Variants in UPF2 observed in about 807,000 individuals in gnomAD.
UPF2 encodes UPF2 regulator of nonsense mediated mRNA decay, also known as regulator of nonsense transcripts 2.
Under a neutral mutation model 141.4 loss-of-function variants are expected in UPF2, and 17 were observed. That is an observed-to-expected ratio of 0.12 (90% confidence interval 0.08 to 0.18). The LOEUF (loss-of-function observed/expected upper bound fraction) is 0.18. UPF2 is among the 10% of genes least tolerant of loss of function. The pLI, the probability that UPF2 is intolerant of heterozygous loss-of-function variation, is 1.00. For missense variants in UPF2, 1,152 were observed against 1,515.9 expected (o/e 0.76, Z 3.99); for synonymous variants, 540 against 498.0 (o/e 1.08, Z -1.12).
At chr10:11,938,845 T>C (rs1832888409) in intron 18 of UPF2, among the ~76,000 whole-genome samples, 1 of 117,568 alleles carries the variant, frequency 8.5e-6, no homozygotes, top group South Asian at 3.0e-4. Flanking sequence ...TAAGCAAGTT[T>C]TTTTTTTGTT....
At chr10:11,974,390 C>T (rs1404475447) in intron 9 of UPF2, among the ~76,000 whole-genome samples, 3 of 152,036 alleles carry the variant, frequency 2.0e-5, no homozygotes, top group South Asian at 2.1e-4. Context: ...GCCTGATTGC[C>T]GTGGCCAGAA....
At position 12,014,391 on chromosome 10, in the gene UPF2, C is replaced by T. The variant is rs1399624577; in HGVS notation, c.1146-207G>A. On this transcript the variant is annotated intron_variant, in intron 3 of 21. Coordinates refer to ENST00000357604, the MANE Select transcript of UPF2 (RefSeq NM_015542.4). The surrounding 1 kb of genome is among the most constrained non-coding windows in gnomAD (Gnocchi z 5.0). Reference sequence around the variant, plus strand: ...GAACATTTAAATTTTAACACTGGTTCCTCAAAGAATATGCAGCATGCTTGC... The same window carrying T: ...GAACATTTAAATTTTAACACTGGTTTCTCAAAGAATATGCAGCATGCTTGC... 6.6e-6 allele frequency among the ~76,000 whole-genome samples: 1 copy of T among 152,010 alleles called. No homozygotes were observed. Among genetic ancestry groups the T allele is most frequent in the Non-Finnish European group, 1.5e-5 (1 of 68,016 alleles).
At chr10:11,924,138 G>A (rs928667764) in intron 21 of UPF2, among the ~76,000 whole-genome samples, 1 of 152,194 alleles carries the variant, frequency 6.6e-6, no homozygotes, top group African/African-American at 2.4e-5. Flanking sequence ...TTACAGCACT[G>A]CTGCCGTTTC....
chr10:12,009,436 T>C (rs1052447507), intron 4 of UPF2, among the ~76,000 whole-genome samples: 2 of 152,226 alleles, frequency 1.3e-5, no homozygotes, highest in African/African-American at 2.4e-5. Flanking sequence ...AAAGTGGCTA[T>C]AGAATAAAGG....
At chr10:11,932,537 A>G (rs1193007242) in intron 19 of UPF2, among the ~76,000 whole-genome samples, 2 of 152,208 alleles carry the variant, frequency 1.3e-5, no homozygotes, top group Non-Finnish European at 2.9e-5. Context: ...TACAAAAGGC[A>G]AAGTTCTCAA....
rs771100563 is a variant in UPF2 at position 12,004,576 on chromosome 10, A to G, written c.1458T>C (p.Asn486=). The change falls in exon 5 of 22, where the codon AAT becomes AAC. Residue 486 remains asparagine (N), a synonymous_variant. Coordinates refer to ENST00000357604, the MANE Select transcript of UPF2 (RefSeq NM_015542.4). ...AFVPAILFKD[N]EKSCQNKESN... is the part of the protein sequence containing the mutation. Reference sequence around the variant, plus strand: ...ACTCTTTATTCTGACAACTTTTTTCATTGTCTTTAAACAAGATGGCTGGGA... The same window carrying G: ...ACTCTTTATTCTGACAACTTTTTTCGTTGTCTTTAAACAAGATGGCTGGGA... 4.3e-6 allele frequency: 7 copies of G among 1,613,262 alleles called. No individual in the cohort carries two copies. The highest frequency in any genetic ancestry group is 4.0e-5 in the African/African-American group (3 of 74,810).
intron 18 of UPF2, among the ~76,000 whole-genome samples, chr10:11,941,870 A>C (rs573840324): frequency 6.6e-6 from 1 of 152,266 alleles, no homozygotes; most frequent in Non-Finnish European, 1.5e-5. Context: ...AAAACTGCTA[A>C]GTAGTGTTTT....
chr10:12,005,099 C>G (rs1461941218), intron 4 of UPF2, among the ~76,000 whole-genome samples: 1 of 107,752 alleles, frequency 9.3e-6, no homozygotes, highest in Non-Finnish European at 1.9e-5. Flanking sequence ...TCCCACCTCC[C>G]CCATGAGTAT....
chr10:11,961,473 C>CCAGTGTGTTCCTAGTA (rs1397857408), intron 11 of UPF2, among the ~76,000 whole-genome samples: 8 of 151,710 alleles, frequency 5.3e-5, no homozygotes, highest in African/African-American at 1.9e-4. Flanking sequence ...GAACAGAAGG[C>CCAGTGTGTTCCTAGTA]CAGTGTGTTC....
At chr10:12,012,944 GC>G (rs1298567754) in intron 4 of UPF2, among the ~76,000 whole-genome samples, 2 of 151,930 alleles carry the variant, frequency 1.3e-5, no homozygotes, top group African/African-American at 4.8e-5. Context: ...TTTGAGACCA[GC>G]CTGAGAAACA....
intron 16 of UPF2, among the ~76,000 whole-genome samples, chr10:11,946,786 T>A (rs1238030812): frequency 1.3e-5 from 2 of 152,146 alleles, no homozygotes; most frequent in East Asian, 3.8e-4. Flanking sequence ...CACTATGTTG[T>A]CCAGGCTGGA....
At chr10:11,966,046 C>A (rs1412390970) in intron 10 of UPF2, among the ~76,000 whole-genome samples, 1 of 152,164 alleles carries the variant, frequency 6.6e-6, no homozygotes, top group Non-Finnish European at 1.5e-5. Context: ...TACTTTAATT[C>A]TATTTGGACA....
At chr10:12,039,341 C>T (rs549452320) in intron 1 of UPF2, among the ~76,000 whole-genome samples, 2 of 152,216 alleles carry the variant, frequency 1.3e-5, no homozygotes, top group East Asian at 3.9e-4. Context: ...TATAGCAACC[C>T]ACAGAATTAT....
At chr10:11,969,295 G>A (rs936924437) in intron 9 of UPF2, among the ~76,000 whole-genome samples, 6 of 151,316 alleles carry the variant, frequency 4.0e-5, no homozygotes, top group Non-Finnish European at 7.4e-5. Context: ...TCAGCCTCCC[G>A]AGTACCTGGG....
intron 2 of UPF2, among the ~76,000 whole-genome samples, chr10:12,034,326 T>A (rs1834580581): frequency 6.7e-6 from 1 of 149,126 alleles, no homozygotes; most frequent in African/African-American, 2.5e-5. Context: ...TTTATTATTT[T>A]ATTTTTTTTT....
chr10:12,022,474 T>C (rs986189100), intron 3 of UPF2, among the ~76,000 whole-genome samples: 2 of 152,114 alleles, frequency 1.3e-5, no homozygotes, highest in African/African-American at 2.4e-5. Context: ...GAATTATTTA[T>C]GGATATCTCA....
intron 3 of UPF2, among the ~76,000 whole-genome samples, chr10:12,028,068 C>T (rs1177200049): frequency 6.6e-6 from 1 of 152,114 alleles, no homozygotes; most frequent in Non-Finnish European, 1.5e-5. Flanking sequence ...CTTGTTGCTC[C>T]TCAGGTACAA....
intron 8 of UPF2, among the ~76,000 whole-genome samples, chr10:11,989,491 C>G (rs1265654242): frequency 6.6e-6 from 1 of 152,118 alleles, no homozygotes; most frequent in Non-Finnish European, 1.5e-5. Context: ...GAGTAACAGT[C>G]AAAGCTATGT....
chr10:11,964,603 C>T (rs1195996475), intron 10 of UPF2, among the ~76,000 whole-genome samples: 1 of 152,128 alleles, frequency 6.6e-6, no homozygotes. Context: ...AATTTGGTTT[C>T]TATTGTATCA....
Sources: allele counts gnomAD v4.1 joint callset (sites outside exome capture counted in the v4.1 genomes callset), GRCh38; gene constraint gnomAD v4.1.1; non-coding constraint Gnocchi (gnomAD v3.1); transcripts MANE v1.5; gene names NCBI Gene and HGNC (gene_info 2026-07-23, HGNC 2026-07-21).